Variants in ASAP1 observed in about 807,000 individuals in gnomAD.
ASAP1 encodes the protein arf-GAP with SH3 domain, ANK repeat and PH domain-containing protein 1.
Under a neutral mutation model 145.2 loss-of-function variants are expected in ASAP1, and 43 were observed. The observed-to-expected ratio is 0.30, with a 90% CI of 0.23 to 0.38. ASAP1 has a LOEUF of 0.38. Among genes scored for constraint, ASAP1 ranks in the 10% least tolerant of loss-of-function variants. ASAP1 has a pLI of 1.00. For synonymous variants in ASAP1, 546 were observed against 515.5 expected, an observed-to-expected ratio of 1.06 and a Z score of -0.80; for missense variants, 1,018 against 1,355.3, an observed-to-expected ratio of 0.75 and a Z score of 3.91.
At chr8:130,120,616 C>T (rs1015330472) in intron 18 of ASAP1, among the ~76,000 whole-genome samples, 2 of 152,158 alleles carry the variant, frequency 1.3e-5, no homozygotes, top group African/African-American at 2.4e-5. Flanking sequence ...CATTCATCTG[C>T]GTTTCAGGAA....
intron 5 of ASAP1, among the ~76,000 whole-genome samples, chr8:130,193,590 GAA>G (rs1465870449): frequency 1.3e-5 from 2 of 152,050 alleles, no homozygotes; most frequent in Non-Finnish European, 1.5e-5. Context: ...AACAAAATAT[GAA>G]AAGACAGTGA....
At chr8:130,101,775 T>C (rs1381089208) in intron 24 of ASAP1, among the ~76,000 whole-genome samples, 1 of 140,892 alleles carries the variant, frequency 7.1e-6, no homozygotes, top group Non-Finnish European at 1.5e-5. Context: ...TTTCACCATG[T>C]TGCCCAGGCT....
intron 3 of ASAP1, among the ~76,000 whole-genome samples, chr8:130,346,143 CATTA>C (rs1391354016): frequency 6.6e-6 from 1 of 152,156 alleles, no homozygotes; most frequent in Non-Finnish European, 1.5e-5. Context: ...ATGCTAACTA[CATTA>C]AAAACAAAAC....
intron 1 of ASAP1, among the ~76,000 whole-genome samples, chr8:130,428,814 C>T (rs933717015): frequency 1.3e-4 from 20 of 152,058 alleles, no homozygotes; most frequent in Non-Finnish European, 2.6e-4. Context: ...ACCACCACCA[C>T]CATCATTATC....
intron 4 of ASAP1, among the ~76,000 whole-genome samples, 181 bp from the exon 5 acceptor site, chr8:130,214,882 G>A (rs1183355906): frequency 6.6e-6 from 1 of 151,998 alleles, no homozygotes; most frequent in Non-Finnish European, 1.5e-5. Context: ...ACTCTACTAA[G>A]GAAGATTTTC....
intron 11 of ASAP1, among the ~76,000 whole-genome samples, chr8:130,165,655 G>A (rs1327233771): frequency 6.6e-6 from 1 of 152,198 alleles, no homozygotes; most frequent in Non-Finnish European, 1.5e-5. Flanking sequence ...CTGCCTTAGT[G>A]TACACAGATG....
Position 130,416,101 on chromosome 8 carries a change from G to A in ASAP1, c.-27-14131C>T, listed in dbSNP as rs557196341. On this transcript the variant is annotated intron_variant, in intron 1 of 29. Transcript: ENST00000518721. ...CAGCTGTTTGTCTCCCAGGCGCAGC[G>A]GGCCACACCTGGACAGGATGCTAAG... Among the ~76,000 whole-genome samples the A allele has an allele frequency of 3.3e-5, 5 of 152,140 alleles. No homozygotes were observed. The South Asian group carries it at 6.3e-4, about 19-fold the overall frequency.
chr8:130,123,977 T>C (rs2097570814), intron 18 of ASAP1, 36 bp downstream of exon 18: 2 of 1,454,662 alleles, frequency 1.4e-6, no homozygotes, highest in Admixed American at 1.8e-5. Flanking sequence ...AATTATAGAA[T>C]GGTTTAAAAA....
At chr8:130,356,667 G>T (rs1237579176) in intron 3 of ASAP1, among the ~76,000 whole-genome samples, 1 of 152,148 alleles carries the variant, frequency 6.6e-6, no homozygotes, top group East Asian at 1.9e-4. Flanking sequence ...GAGAACTCTG[G>T]AAGTATGCCG....
intron 3 of ASAP1, among the ~76,000 whole-genome samples, chr8:130,277,275 G>T (rs1820970161): frequency 6.6e-6 from 1 of 152,184 alleles, no homozygotes; most frequent in South Asian, 2.1e-4. Context: ...TCACCTAAAA[G>T]ATGGTTTCCT....
intron 1 of ASAP1, among the ~76,000 whole-genome samples, chr8:130,441,651 G>T (rs1315518200): frequency 6.6e-6 from 1 of 152,190 alleles, no homozygotes; most frequent in Non-Finnish European, 1.5e-5. Flanking sequence ...GGCTCAATCT[G>T]AATGCACACA....
chr8:130,411,351 C>T (rs1200155766), intron 1 of ASAP1, among the ~76,000 whole-genome samples: 1 of 152,234 alleles, frequency 6.6e-6, no homozygotes, highest in South Asian at 2.1e-4. Flanking sequence ...ATGCTTCTAG[C>T]TGTGGCCTTC....
intron 2 of ASAP1, among the ~76,000 whole-genome samples, chr8:130,365,134 C>T (rs969428757): frequency 6.6e-6 from 1 of 152,182 alleles, no homozygotes; most frequent in Non-Finnish European, 1.5e-5. Context: ...CCTGGAGCCC[C>T]AGGCTTGGCC....
At chr8:130,346,346 T>C (rs1825702843) in intron 3 of ASAP1, among the ~76,000 whole-genome samples, 1 of 152,248 alleles carries the variant, frequency 6.6e-6, no homozygotes. Flanking sequence ...TGGTATTTAA[T>C]ACACTGTCAG....
intron 3 of ASAP1, among the ~76,000 whole-genome samples, chr8:130,240,774 G>C (rs1055902213): frequency 6.6e-6 from 1 of 152,138 alleles, no homozygotes; most frequent in African/African-American, 2.4e-5. Context: ...AGGGATGGTA[G>C]TCTAGGAGAG....
chr8:130,423,173 G>A (rs550122512), intron 1 of ASAP1, among the ~76,000 whole-genome samples: 23 of 152,062 alleles, frequency 1.5e-4, no homozygotes, highest in Non-Finnish European at 3.2e-4. Flanking sequence ...GGTCAATCTC[G>A]GCTCACTGCA....
chr8:130,058,194 T>G (rs372125458), intron 28 of ASAP1, 118 bp from the exon 29 acceptor site: 14 of 1,123,242 alleles, frequency 1.2e-5, no homozygotes, highest in East Asian at 7.2e-5. Flanking sequence ...AGCCTTGATT[T>G]CCTCACCCTT....
intron 2 of ASAP1, among the ~76,000 whole-genome samples, chr8:130,393,066 T>C (rs543385443): frequency 1.1e-4 from 17 of 152,306 alleles, no homozygotes; most frequent in African/African-American, 3.9e-4. Context: ...TCATAACTTA[T>C]CTTCTTTTTA....
At chr8:130,095,583 G>C (rs1252294850) in intron 24 of ASAP1, among the ~76,000 whole-genome samples, 2 of 150,528 alleles carry the variant, frequency 1.3e-5, no homozygotes, top group Non-Finnish European at 3.0e-5. Context: ...TTACAGGCGT[G>C]AGCCACCATG....
Sources: allele counts gnomAD v4.1 joint callset (sites outside exome capture counted in the v4.1 genomes callset), GRCh38; gene constraint gnomAD v4.1.1; transcripts MANE v1.5; gene names NCBI Gene and HGNC (gene_info 2026-07-23, HGNC 2026-07-21).